STARD13: variants seen among roughly 807,000 people sequenced by gnomAD.
STARD13 encodes the protein stAR-related lipid transfer protein 13.
STARD13 carries 62 observed loss-of-function variants against 106.4 expected under a neutral mutation model. The observed-to-expected ratio is 0.58, with a 90% CI of 0.48 to 0.72. STARD13 has a LOEUF of 0.72. Among genes scored for constraint, STARD13 ranks in the 30% least tolerant of loss-of-function variants. The pLI, the probability that STARD13 is intolerant of heterozygous loss-of-function variation, is 0.00. For missense variants in STARD13, 1,387 were observed against 1,424.0 expected (o/e 0.97, Z 0.42); for synonymous variants, 565 against 553.0 (o/e 1.02, Z -0.31).
intron 4 of STARD13, 141 bp downstream of exon 4, chr13:33,142,169 A>G: frequency 1.5e-6 from 1 of 666,256 alleles, no homozygotes; most frequent in South Asian, 1.9e-5. Context: ...CTGGGACTAC[A>G]GGCACAAGCC....
the STARD13 span, among the ~76,000 whole-genome samples, chr13:33,374,873 C>A: frequency 6.6e-6 from 1 of 152,106 alleles, no homozygotes; most frequent in South Asian, 2.1e-4. Context: ...AAATTGTAGA[C>A]TCTGATTCTA....
the STARD13 span, among the ~76,000 whole-genome samples, chr13:33,374,114 A>T: frequency 6.6e-6 from 1 of 152,208 alleles, no homozygotes; most frequent in African/African-American, 2.4e-5. Context: ...CTTTAAAAGG[A>T]AGGAAATTCT....
chr13:33,333,166 G>C (rs915134557), intron 1 of STARD13, among the ~76,000 whole-genome samples: 26 of 152,176 alleles, frequency 1.7e-4, no homozygotes, highest in Non-Finnish European at 4.4e-5. Context: ...AAGATGGGCA[G>C]ATCCTTTGAG....
chr13:33,631,561 T>C, the STARD13 span, among the ~76,000 whole-genome samples: 1 of 152,208 alleles, frequency 6.6e-6, no homozygotes, highest in Admixed American at 6.5e-5. Flanking sequence ...GTACAAGACA[T>C]GTGAATGCAG....
At chr13:33,207,405 G>A (rs572641494) in intron 1 of STARD13, among the ~76,000 whole-genome samples, 7 of 152,304 alleles carry the variant, frequency 4.6e-5, no homozygotes, top group Admixed American at 1.3e-4. Flanking sequence ...GAGAATGAAT[G>A]AGACTTTGAA....
chr13:33,446,435 A>G, the STARD13 span, among the ~76,000 whole-genome samples: 2 of 152,072 alleles, frequency 1.3e-5, no homozygotes, highest in South Asian at 2.1e-4. Context: ...GAAAAAAAAA[A>G]CCAAAATCAC....
intron 1 of STARD13, among the ~76,000 whole-genome samples, chr13:33,218,428 C>T (rs910604850): frequency 4.6e-5 from 7 of 152,194 alleles, no homozygotes; most frequent in African/African-American, 1.7e-4. Context: ...ACCACTGGAA[C>T]ACTCTGCATG....
chr13:33,135,542 C>G (rs957265047), intron 4 of STARD13, among the ~76,000 whole-genome samples: 7 of 152,066 alleles, frequency 4.6e-5, no homozygotes, highest in Non-Finnish European at 1.0e-4. Context: ...ACATTTATAA[C>G]TTTATAATTA....
chr13:33,296,560 C>T (rs150556104), intron 1 of STARD13, among the ~76,000 whole-genome samples: 17 of 152,190 alleles, frequency 1.1e-4, no homozygotes, highest in African/African-American at 1.4e-4. Context: ...TCCCCCATTC[C>T]GCATCCCCTA....
At chr13:33,112,630 T>A in intron 9 of STARD13, 91 bp downstream of exon 9, 1 of 1,035,228 alleles carries the variant, frequency 9.7e-7, no homozygotes, top group Non-Finnish European at 1.4e-6. Context: ...TCCATTCGTA[T>A]CTATCTATCC....
At chr13:33,248,094 C>T (rs922466429) in intron 1 of STARD13, among the ~76,000 whole-genome samples, 8 of 152,080 alleles carry the variant, frequency 5.3e-5, no homozygotes, top group African/African-American at 1.7e-4. Flanking sequence ...TCGAATGAGT[C>T]AGGGCTATCG....
intron 1 of STARD13, among the ~76,000 whole-genome samples, chr13:33,274,395 C>T (rs768659608): frequency 6.6e-6 from 1 of 152,142 alleles, no homozygotes; most frequent in Non-Finnish European, 1.5e-5. Context: ...AGGAGAGAGG[C>T]CTCCAAAGGA....
At chr13:33,545,794 G>C in the STARD13 span, among the ~76,000 whole-genome samples, 1 of 152,106 alleles carries the variant, frequency 6.6e-6, no homozygotes, top group Non-Finnish European at 1.5e-5. Flanking sequence ...TGCACATGCT[G>C]GTTCTCCTTC....
chr13:33,516,164 T>C, the STARD13 span, among the ~76,000 whole-genome samples: 1 of 147,764 alleles, frequency 6.8e-6, no homozygotes, highest in Admixed American at 6.8e-5. Flanking sequence ...TAATATATAA[T>C]GTATATATAA....
At chr13:33,511,375 A>G in the STARD13 span, 10 of 152,174 alleles carry the variant, frequency 6.6e-5, no homozygotes, top group African/African-American at 2.4e-4. Context: ...AACAAATGTA[A>G]CATTTCAGTA....
chr13:33,660,231 CA>C, the STARD13 span, among the ~76,000 whole-genome samples: 1 of 152,054 alleles, frequency 6.6e-6, no homozygotes, highest in African/African-American at 2.4e-5. Context: ...TTTTTTATGT[CA>C]ATGACAGTAA....
At chr13:33,641,801 C>A in the STARD13 span, among the ~76,000 whole-genome samples, 3 of 152,144 alleles carry the variant, frequency 2.0e-5, no homozygotes, top group African/African-American at 7.2e-5. Flanking sequence ...AATCGAGCAG[C>A]TGGATCGTGT....
chr13:33,147,041 G>A (rs935546441), intron 3 of STARD13, among the ~76,000 whole-genome samples: 45 of 152,168 alleles, frequency 3.0e-4, no homozygotes, highest in Admixed American at 1.6e-3. Context: ...AGTTCACAGC[G>A]CTTGTCTTTA....
chr13:33,333,115 T>A (rs1267143055), intron 1 of STARD13, among the ~76,000 whole-genome samples: 1 of 152,090 alleles, frequency 6.6e-6, no homozygotes, highest in Non-Finnish European at 1.5e-5. Context: ...GCTGGCTGGG[T>A]ACGGTGGCTC....
Sources: allele counts gnomAD v4.1 joint callset (sites outside exome capture counted in the v4.1 genomes callset), GRCh38; gene constraint gnomAD v4.1.1; transcripts MANE v1.5; gene names NCBI Gene and HGNC (gene_info 2026-07-23, HGNC 2026-07-21).